The following FSTL4 variants were observed in gnomAD, a reference collection of about 807,000 sequenced individuals.
The protein encoded by FSTL4 is follistatin like 4, also known as follistatin-related protein 4.
A neutral mutation model predicts 78.2 loss-of-function variants in FSTL4; 28 were observed. That is an observed-to-expected ratio of 0.36 (90% CI 0.27 to 0.49). The LOEUF (loss-of-function observed/expected upper bound fraction) is 0.49, where lower values mean the gene tolerates loss of function less well. Among genes scored for constraint, FSTL4 ranks in the 20% least tolerant of loss-of-function variants. The pLI, the probability that FSTL4 is intolerant of heterozygous loss-of-function variation, is 0.98. For missense variants in FSTL4, 922 were observed against 1,084.9 expected (o/e 0.85, Z 2.11); for synonymous variants, 422 against 440.5 (o/e 0.96, Z 0.53).
intron 3 of FSTL4, among the ~76,000 whole-genome samples, chr5:133,475,880 G>C (rs1031841611): frequency 5.3e-5 from 8 of 152,154 alleles, no homozygotes; most frequent in Non-Finnish European, 1.2e-4. Context: ...GCGTGTGTGA[G>C]AGTTCCTGCC....
At chr5:133,567,034 C>T (rs1479132146) in intron 3 of FSTL4, 152 bp downstream of exon 3, 2 of 664,062 alleles carry the variant, frequency 3.0e-6, no homozygotes, top group Non-Finnish European at 5.4e-6. Flanking sequence ...GCAGTCCCTA[C>T]AGACAAGTGC....
At chr5:133,661,483 T>C in the FSTL4 span, among the ~76,000 whole-genome samples, 9 of 152,216 alleles carry the variant, frequency 5.9e-5, no homozygotes, top group Non-Finnish European at 1.2e-4. Flanking sequence ...AGGTAATTGC[T>C]CAGCATTTGT....
intron 3 of FSTL4, among the ~76,000 whole-genome samples, chr5:133,551,619 C>T (rs938471243): frequency 3.3e-5 from 5 of 152,230 alleles, no homozygotes; most frequent in African/African-American, 7.2e-5. Flanking sequence ...GAACACACCA[C>T]ATTTATTATT....
Position 133,440,733 on chromosome 5 carries a change from A to G in FSTL4, c.161-39747T>C, listed in dbSNP as rs1411777237. 6.6e-6 allele frequency among the ~76,000 whole-genome samples: 1 copy of G among 152,186 alleles called. No homozygotes were observed. The highest frequency in any genetic ancestry group is 2.4e-5 in the African/African-American group (1 of 41,450). On this transcript the variant is annotated intron_variant, in intron 3 of 15. Transcript: ENST00000265342. This position sits in a 1 kb window ranked among gnomAD's most constrained non-coding sequence, Gnocchi z 4.1. ...AGACAGTGGAGACTGCAAGAGGCCT[A>G]GCCCAGACACAGCGTGGAAGACACG... is the stretch of plus-strand genomic sequence containing the variant.
At chr5:133,767,355 C>T in the FSTL4 span, among the ~76,000 whole-genome samples, 3 of 152,250 alleles carry the variant, frequency 2.0e-5, no homozygotes, top group Admixed American at 6.5e-5. Flanking sequence ...TGCCAGAGAG[C>T]CCTCAGGCAC....
chr5:133,821,320 G>A, the FSTL4 span, among the ~76,000 whole-genome samples: 1 of 152,346 alleles, frequency 6.6e-6, no homozygotes, highest in East Asian at 1.9e-4. Context: ...CCCTGGAAAT[G>A]AGCCATCAAG....
the FSTL4 span, among the ~76,000 whole-genome samples, chr5:133,753,468 G>A: frequency 3.3e-5 from 5 of 152,148 alleles, no homozygotes; most frequent in Non-Finnish European, 7.3e-5. Flanking sequence ...GGCTCACATT[G>A]CCTGGTTCCC....
intron 6 of FSTL4, among the ~76,000 whole-genome samples, chr5:133,254,148 A>G (rs546872987): frequency 2.0e-5 from 3 of 152,358 alleles, no homozygotes; most frequent in Admixed American, 1.3e-4. Flanking sequence ...CTTAGGGGGA[A>G]AAAGGTGGTT....
intron 6 of FSTL4, among the ~76,000 whole-genome samples, chr5:133,258,596 C>G (rs1265926740): frequency 6.6e-6 from 1 of 152,136 alleles, no homozygotes; most frequent in African/African-American, 2.4e-5. Context: ...GAGGATAACA[C>G]AGTCATCATC....
At chr5:133,259,891 C>A (rs1244070446) in intron 6 of FSTL4, among the ~76,000 whole-genome samples, 1 of 152,134 alleles carries the variant, frequency 6.6e-6, no homozygotes, top group Admixed American at 6.5e-5. Flanking sequence ...TGTGGTGAAG[C>A]AGGCTGGGAG....
At chr5:133,502,080 G>A (rs548797168) in intron 3 of FSTL4, among the ~76,000 whole-genome samples, 23 of 152,242 alleles carry the variant, frequency 1.5e-4, no homozygotes, top group Non-Finnish European at 2.9e-4. Flanking sequence ...AGGGAGCACA[G>A]CCCTGAGGAC....
At chr5:133,420,058 A>G (rs1426285673) in intron 3 of FSTL4, among the ~76,000 whole-genome samples, 1 of 152,230 alleles carries the variant, frequency 6.6e-6, no homozygotes, top group Non-Finnish European at 1.5e-5. Context: ...CATACAATAA[A>G]ATACTACTTA....
chr5:133,693,497 A>T, the FSTL4 span, among the ~76,000 whole-genome samples: 3 of 152,106 alleles, frequency 2.0e-5, no homozygotes, highest in African/African-American at 2.4e-5. Context: ...TGACATTTTG[A>T]GAAGAACTGG....
At chr5:133,313,272 T>C (rs1273430466) in intron 5 of FSTL4, among the ~76,000 whole-genome samples, 1 of 152,192 alleles carries the variant, frequency 6.6e-6, no homozygotes, top group Non-Finnish European at 1.5e-5. Context: ...TGGCAGGCAG[T>C]GCTGCCTGGA....
At chr5:133,421,001 CT>C (rs1001871434) in intron 3 of FSTL4, among the ~76,000 whole-genome samples, 3 of 152,248 alleles carry the variant, frequency 2.0e-5, no homozygotes, top group African/African-American at 7.2e-5. Flanking sequence ...CTGCTGCCTG[CT>C]TCTCACCCCT....
intron 4 of FSTL4, among the ~76,000 whole-genome samples, chr5:133,362,538 C>A (rs1219117343): frequency 6.6e-6 from 1 of 152,254 alleles, no homozygotes; most frequent in Non-Finnish European, 1.5e-5. Context: ...CAGCACGTAG[C>A]CTGAGCGCTT....
chr5:133,423,658 A>G lies in FSTL4; in HGVS notation c.161-22672T>C, dbSNP rs1756745820. 2.0e-5 allele frequency among the ~76,000 whole-genome samples: 3 copies of G among 152,128 alleles called. No individual in the cohort carries two copies. In the South Asian group the frequency reaches 6.2e-4, roughly 32 times the overall value. On this transcript the variant is annotated intron_variant, in intron 3 of 15. Transcript: ENST00000265342. ...GGTGGTGGAGGCAATGGTAGTGGTG[A>G]CGGCAGGGATGGTGGTGGTTGATGG...
intron 3 of FSTL4, among the ~76,000 whole-genome samples, chr5:133,459,461 C>A (rs1016702059): frequency 6.6e-6 from 1 of 151,952 alleles, no homozygotes; most frequent in African/African-American, 2.4e-5. Flanking sequence ...TTAAAAAAAA[C>A]CCACTTATTT....
chr5:133,779,411 C>T, the FSTL4 span, among the ~76,000 whole-genome samples: 2 of 152,174 alleles, frequency 1.3e-5, no homozygotes, highest in East Asian at 1.9e-4. Context: ...ACGGTGAAAC[C>T]CCATTTCTAC....
Sources: gnomAD v4.1 joint callset for allele counts (sites outside exome capture counted in the v4.1 genomes callset) on GRCh38, gnomAD v4.1.1 for gene constraint, Gnocchi (gnomAD v3.1) non-coding constraint, MANE v1.5 for transcripts, NCBI Gene and HGNC (gene_info 2026-07-23, HGNC 2026-07-21) for gene names.